The following IGSF10 variants were observed in gnomAD, a reference collection of about 807,000 sequenced individuals.
IGSF10 encodes the protein immunoglobulin superfamily member 10, also known as calvaria mechanical force protein 608.
Under a neutral mutation model 128.2 loss-of-function variants are expected in IGSF10, and 126 were observed. That is an observed-to-expected ratio of 0.98 (90% CI 0.85 to 1.14). IGSF10 has a LOEUF of 1.14. Among genes scored for constraint, IGSF10 ranks in the 50% most tolerant of loss-of-function variants. The pLI, the probability that IGSF10 is intolerant of heterozygous loss-of-function variation, is 0.00. For missense variants in IGSF10, 3,295 were observed against 3,149.8 expected (o/e 1.05, Z -1.10); for synonymous variants, 1,185 against 1,146.2 (o/e 1.03, Z -0.68).
At chr3:151,436,163 G>A (rs1328608787), downstream of IGSF10, 1 of 152,210 alleles carries the variant, frequency 6.6e-6, no homozygotes. Flanking sequence ...AAAATTTTCA[G>A]TGTGAACAAA....
the IGSF10 span, among the ~76,000 whole-genome samples, chr3:151,570,051 A>G: frequency 6.6e-6 from 1 of 152,214 alleles, no homozygotes; most frequent in Non-Finnish European, 1.5e-5. Flanking sequence ...GTGTCCCTAC[A>G]AAGGACATGA....
chr3:151,491,275 T>C, the IGSF10 span, among the ~76,000 whole-genome samples: 2 of 152,078 alleles, frequency 1.3e-5, no homozygotes, highest in African/African-American at 4.8e-5. Flanking sequence ...TAGGAAAATA[T>C]AACTTGCCAA....
In IGSF10 at chr3:151,443,745, A is replaced by C. The variant is rs756681634; in HGVS notation, c.5202T>G (p.Leu1734=). The change falls in exon 7 of 8, where the codon CTT becomes CTG. Residue 1734 remains leucine, a synonymous_variant. Transcript: ENST00000282466. ...AGGAAACCACAGACAAGGTGACATGAAGGTGGTCTGTGCCAAACAGATTGG... is the reference window on the plus strand; with the variant it reads ...AGGAAACCACAGACAAGGTGACATGCAGGTGGTCTGTGCCAAACAGATTGG... ...SASNLFGTDH[L]HVTLSVVSYP... 1.2e-6 allele frequency: 2 copies of C among 1,614,160 alleles called. No individual in the cohort carries two copies. Among genetic ancestry groups the C allele is most frequent in the Non-Finnish European group, 1.7e-6 (2 of 1,180,018 alleles).
At chr3:151,515,778 G>A in the IGSF10 span, among the ~76,000 whole-genome samples, 12 of 150,200 alleles carry the variant, frequency 8.0e-5, no homozygotes, top group African/African-American at 2.9e-4. Context: ...CTTCTTAATT[G>A]CTAAATTGCT....
chr3:151,613,490 G>C, the IGSF10 span, among the ~76,000 whole-genome samples: 1 of 152,086 alleles, frequency 6.6e-6, no homozygotes, highest in Non-Finnish European at 1.5e-5. Flanking sequence ...TAGACCAATG[G>C]AACAGAACAG....
At chr3:151,606,667 C>G in the IGSF10 span, among the ~76,000 whole-genome samples, 2 of 152,126 alleles carry the variant, frequency 1.3e-5, no homozygotes, top group Non-Finnish European at 2.9e-5. Flanking sequence ...AGTCATTTAC[C>G]TTTAGGTGCA....
downstream of IGSF10, chr3:151,433,812 C>T (rs1484823957): frequency 6.6e-6 from 1 of 152,592 alleles, no homozygotes. Flanking sequence ...AGTATTTGCT[C>T]TTTTGAATTT....
chr3:151,619,242 C>T, the IGSF10 span, among the ~76,000 whole-genome samples: 1 of 152,154 alleles, frequency 6.6e-6, no homozygotes, highest in Middle Eastern at 3.4e-3. Context: ...ATTCGCTTAT[C>T]CATTGGCCTC....
the IGSF10 span, among the ~76,000 whole-genome samples, chr3:151,616,005 C>A: frequency 6.3e-5 from 9 of 143,176 alleles, no homozygotes; most frequent in Non-Finnish European, 9.1e-5. Context: ...ACTCTTGTTG[C>A]CCAGGCTGGA....
the IGSF10 span, among the ~76,000 whole-genome samples, chr3:151,560,541 C>T: frequency 1.3e-4 from 19 of 151,972 alleles, no homozygotes; most frequent in Non-Finnish European, 2.5e-4. Flanking sequence ...AAGAAGGTAG[C>T]GATAAGTCAT....
At chr3:151,454,116 G>C (rs150896474) in intron 4 of IGSF10, among the ~76,000 whole-genome samples, 105,961 of 150,334 alleles carry the variant, frequency 0.7, 37,380 homozygotes, top group Middle Eastern at 0.84. Context: ...CTCCTGGTTT[G>C]AAGCGATTCT....
chr3:151,448,527 T>C lies in IGSF10; in HGVS notation c.1454A>G (p.His485Arg), dbSNP rs1181817208. The stretch of plus-strand genomic sequence containing the variant: ...AACGGTTCCACCTACCAAGACAGTA[T>C]GTTCCAGCTTAGTATTGTTATCCCT... ...ISRDNNTKLE[H>R]TVLVGGTVGL... Residue 485 changes from histidine (H) to arginine (R), a missense_variant, in exon 6 of 8, where the codon CAT becomes CGT. Physicochemically the swap from His to Arg is conservative, Grantham distance 29. Transcript: ENST00000282466. 1 of 1,614,264 alleles carries C rather than the reference T, an allele frequency of 6.2e-7. No homozygotes were observed. The highest frequency in any genetic ancestry group is 1.3e-5 in the African/African-American group (1 of 75,066).
chr3:151,512,162 T>C, the IGSF10 span, among the ~76,000 whole-genome samples: 1 of 152,186 alleles, frequency 6.6e-6, no homozygotes, highest in African/African-American at 2.4e-5. Context: ...AGAATATACA[T>C]TCTTTTCAAC....
the IGSF10 span, among the ~76,000 whole-genome samples, chr3:151,546,863 C>T: frequency 1.0e-3 from 154 of 151,982 alleles, 1 homozygote; most frequent in Admixed American, 5.4e-3. Context: ...CTCCGCCTCC[C>T]GGGTTCAAGC....
upstream of IGSF10, among the ~76,000 whole-genome samples, chr3:151,462,407 C>G (rs754660099): frequency 4.6e-5 from 7 of 152,218 alleles, no homozygotes; most frequent in Admixed American, 3.9e-4. Context: ...GATTCTGATG[C>G]AGCTACAATG....
chr3:151,530,626 C>T, the IGSF10 span, among the ~76,000 whole-genome samples: 245 of 152,104 alleles, frequency 1.6e-3, no homozygotes, highest in African/African-American at 5.3e-3. Context: ...GCTTCATAAG[C>T]GAAGGAGAAA....
chr3:151,587,619 CAT>C, the IGSF10 span, among the ~76,000 whole-genome samples: 1 of 152,130 alleles, frequency 6.6e-6, no homozygotes, highest in African/African-American at 2.4e-5. Context: ...CCTACAGCAG[CAT>C]ATTGGCCAAA....
chr3:151,452,759 A>G (rs1721569593), intron 5 of IGSF10, among the ~76,000 whole-genome samples: 1 of 152,160 alleles, frequency 6.6e-6, no homozygotes, highest in East Asian at 1.9e-4. Context: ...AATGTTATCC[A>G]TTCAAGAATG....
In IGSF10 at chr3:151,445,330, G is replaced by C; in HGVS notation, c.4651C>G (p.Pro1551Ala). The C allele has an allele frequency of 1.9e-6, 3 of 1,614,192 alleles. No individual in the cohort carries two copies. Among genetic ancestry groups the C allele is most frequent in the Non-Finnish European group, 2.5e-6 (3 of 1,180,012 alleles). ...FIYSNLLHST[P>A]MPALTTVKSQ... The stretch of plus-strand genomic sequence containing the variant: ...TTAACTGTTGTTAGTGCTGGCATGG[G>C]AGTAGAATGTAACAGATTAGAGTAG... The change falls in exon 6 of 8, where the codon CCC (proline) becomes GCC (alanine). Residue 1551 changes from proline to alanine, a missense_variant. Pro to Ala is a conservative substitution (Grantham distance 27). Transcript: ENST00000282466.
Sources: allele counts gnomAD v4.1 joint callset (sites outside exome capture counted in the v4.1 genomes callset), GRCh38; gene constraint gnomAD v4.1.1; transcripts MANE v1.5; gene names NCBI Gene and HGNC (gene_info 2026-07-23, HGNC 2026-07-21).